The following AGO2 variants were observed in gnomAD, a reference collection of about 807,000 sequenced individuals.
AGO2 encodes the protein argonaute RISC catalytic component 2.
In AGO2, 5 loss-of-function variants were observed where a neutral mutation model predicts 102.3. That is an observed-to-expected ratio of 0.05 (90% CI 0.03 to 0.10). The LOEUF is 0.10. Ranked by LOEUF, AGO2 falls within the 10% of genes least tolerant of loss-of-function variation. The pLI, the probability that AGO2 is intolerant of heterozygous loss-of-function variation, is 1.00. For missense variants in AGO2, 541 were observed against 1,183.7 expected (o/e 0.46, Z 7.97); for synonymous variants, 449 against 473.1 (o/e 0.95, Z 0.66).
intron 1 of AGO2, among the ~76,000 whole-genome samples, chr8:140,620,586 C>T (rs1247401171): frequency 2.0e-5 from 3 of 152,204 alleles, no homozygotes; most frequent in East Asian, 1.9e-4. Flanking sequence ...TCTTCTCGGC[C>T]GGGCACGGTG....
chr8:140,540,956 T>C lies in AGO2; in HGVS notation c.2034+208A>G, dbSNP rs1391592428. ...ATACCCGCCCCTCCTCCCCTCCCTC[T>C]GTCCTGCCTCAGTGTCATGTGTTAG... On this transcript the variant is annotated intron_variant, in intron 15 of 18. Transcript: ENST00000220592. This position sits in a 1 kb window ranked among gnomAD's most constrained non-coding sequence, Gnocchi z 5.0. Among the ~76,000 whole-genome samples, 4 of 147,794 alleles carry C rather than the reference T, an allele frequency of 2.7e-5. No homozygotes were observed. The highest frequency in any genetic ancestry group is 1.3e-4 in the Admixed American group (2 of 14,914).
rs146595922 is a variant in AGO2, at chr8:140,563,828, C to T, written c.337-1194G>A. Among the ~76,000 whole-genome samples the T allele has an allele frequency of 4.9e-3, 740 of 152,352 alleles. 3 individuals are homozygous for T. Among genetic ancestry groups the T allele is most frequent in the Middle Eastern group, 0.017 (5 of 294 alleles). On this transcript the variant is annotated intron_variant, in intron 3 of 18. Transcript: ENST00000220592. ...GTGGCACCAGGCACATTTGCTCGCT[C>T]GCCCACTGCCCGCCATGCCCATGCC...
chr8:140,589,109 C>T lies in AGO2; in HGVS notation c.23-3798G>A, dbSNP rs1217829870. 1.3e-5 allele frequency among the ~76,000 whole-genome samples: 2 copies of T among 152,196 alleles called. No individual in the cohort carries two copies. Among genetic ancestry groups the T allele is most frequent in the Non-Finnish European group, 2.9e-5 (2 of 68,038 alleles). ...GGCGGTCCCCTGAAGAAACTCCTTT[C>T]GGAGTTGGCTCCTCCCCGACTTTTC... On this transcript the variant is annotated intron_variant, in intron 1 of 18. Coordinates refer to ENST00000220592, the MANE Select transcript of AGO2 (RefSeq NM_012154.5). This position sits in a 1 kb window ranked among gnomAD's most constrained non-coding sequence, Gnocchi z 4.2.
chr8:140,636,739 T>C (rs1424908371), upstream of AGO2: 1 of 152,208 alleles, frequency 6.6e-6, no homozygotes, highest in Non-Finnish European at 1.5e-5. Context: ...GACATCAGTC[T>C]TCACCAAGTT....
In AGO2 at chr8:140,559,458, T is replaced by A. The variant is rs2073160087; in HGVS notation, c.727A>T (p.Ile243Phe). Reference protein sequence around the residue: ...FVCEVLDFKSIEEQQKPLTDS... With the variant: ...FVCEVLDFKSFEEQQKPLTDS... ...GTCAGAGGTTTTTGTTGTTCTTCAA[T>A]ACTTTTAAAATCCAAAACTTCACAA... Residue 243 changes from isoleucine (I) to phenylalanine (F), a missense_variant, in exon 6 of 19, where the codon ATT (isoleucine) becomes TTT (phenylalanine). By Grantham distance (21) the Ile-to-Phe change is conservative. This residue lies in a region of AGO2 where 21 missense variants were observed against 105.0 expected (regional missense o/e 0.20). Coordinates refer to ENST00000220592, the MANE Select transcript of AGO2 (RefSeq NM_012154.5). The A allele has an allele frequency of 6.2e-7, 1 of 1,614,134 alleles. No homozygotes were observed. Among genetic ancestry groups the A allele is most frequent in the Admixed American group, 1.7e-5 (1 of 60,014 alleles).
At chr8:140,603,562 G>A (rs1016917207) in intron 1 of AGO2, among the ~76,000 whole-genome samples, 7 of 152,156 alleles carry the variant, frequency 4.6e-5, no homozygotes, top group African/African-American at 1.4e-4. Context: ...CTTGGCACAC[G>A]CACCTGCATT....
At chr8:140,617,216 G>A (rs901448526) in intron 1 of AGO2, among the ~76,000 whole-genome samples, 8 of 152,018 alleles carry the variant, frequency 5.3e-5, no homozygotes, top group Admixed American at 5.2e-4. Context: ...AGGCTCTCGG[G>A]CGCATTGACC....
At chr8:140,621,333 TG>T in intron 1 of AGO2, among the ~76,000 whole-genome samples, 1 of 152,298 alleles carries the variant, frequency 6.6e-6, no homozygotes, top group South Asian at 2.1e-4. Context: ...AGCACTTGCT[TG>T]CACTGGAGAC....
At chr8:140,583,003 TAGTC>T (rs1219316776) in intron 2 of AGO2, among the ~76,000 whole-genome samples, 2 of 152,210 alleles carry the variant, frequency 1.3e-5, no homozygotes, top group African/African-American at 4.8e-5. Flanking sequence ...GACTGCGTGT[TAGTC>T]AGGGACCAGG....
rs541454538 is a variant in AGO2, at chr8:140,631,335, A to G, written c.22+4150T>C. 2.0e-5 allele frequency among the ~76,000 whole-genome samples: 3 copies of G among 152,252 alleles called. No homozygotes were observed. In the South Asian group the frequency reaches 6.2e-4, roughly 32 times the overall value. ...GGCAGGTAGATCACCTGAGGTTGGG[A>G]GTTTGAGACCAGCTTGGCCAACATG... On this transcript the variant is annotated intron_variant, in intron 1 of 18. Transcript: ENST00000220592.
intron 1 of AGO2, among the ~76,000 whole-genome samples, chr8:140,629,850 A>G (rs1032938201): frequency 2.1e-5 from 3 of 141,792 alleles, no homozygotes; most frequent in Non-Finnish European, 4.6e-5. Context: ...AAAGAAAAGA[A>G]AAGAGGAGAG....
At chr8:140,590,730 C>CATCG (rs1212985851) in intron 1 of AGO2, among the ~76,000 whole-genome samples, 1 of 152,194 alleles carries the variant, frequency 6.6e-6, no homozygotes, top group African/African-American at 2.4e-5. Flanking sequence ...GAACCAGGGG[C>CATCG]ATCGTCTCAG....
intron 1 of AGO2, among the ~76,000 whole-genome samples, chr8:140,596,823 G>A (rs1230708009): frequency 6.6e-6 from 1 of 152,162 alleles, no homozygotes; most frequent in Non-Finnish European, 1.5e-5. Flanking sequence ...TGGCCGGGGT[G>A]GGGGACGGGC....
chr8:140,638,159 G>A (rs551955485), upstream of AGO2: 214 of 152,424 alleles, frequency 1.4e-3, 2 homozygotes, highest in African/African-American at 5.0e-3. Context: ...AGAGAAAGAA[G>A]GGGTGAGGGG....
intron 2 of AGO2, among the ~76,000 whole-genome samples, chr8:140,583,917 C>T (rs1270801276): frequency 6.6e-6 from 1 of 152,070 alleles, no homozygotes; most frequent in African/African-American, 2.4e-5. Flanking sequence ...TAGCGCATTG[C>T]TCTACTACGT....
At chr8:140,639,276 T>C (rs1286968729), upstream of AGO2, among the ~76,000 whole-genome samples, 2 of 152,172 alleles carry the variant, frequency 1.3e-5, no homozygotes, top group Non-Finnish European at 2.9e-5. Flanking sequence ...GGTCAGGAGA[T>C]AGAGACCATC....
At position 140,560,118 on chromosome 8, in the gene AGO2, G is replaced by T. The variant is rs193123331; in HGVS notation, c.655+256C>A. Among the ~76,000 whole-genome samples the T allele has an allele frequency of 3.9e-5, 6 of 152,314 alleles. No individual in the cohort carries two copies. In the East Asian group the frequency reaches 9.7e-4, roughly 25 times the overall value. On this transcript the variant is annotated intron_variant, in intron 5 of 18. Transcript: ENST00000220592. ...AGGAGGCCAGCAGCAAGGAAGCCCC[G>T]GATCCTCAGGCCCGCCTCAGCCCCT... is the stretch of plus-strand genomic sequence containing the variant.
intron 9 of AGO2, 42 bp from the exon 10 acceptor site, chr8:140,556,060 C>T: frequency 6.2e-7 from 1 of 1,612,092 alleles, no homozygotes; most frequent in East Asian, 2.2e-5. Context: ...TGGGTGGAGG[C>T]CTCCCATCTC....
chr8:140,531,278 A>T lies in AGO2; in HGVS notation c.*766T>A, dbSNP rs1309104848. Reference sequence around the variant, plus strand: ...TATTCTTTAAAAACTTTGGAAAATAAATGTCACAGTCCTATAGGACAAATC... The same window carrying T: ...TATTCTTTAAAAACTTTGGAAAATATATGTCACAGTCCTATAGGACAAATC... On this transcript the variant is annotated 3_prime_UTR_variant, in exon 19 of 19. Coordinates refer to ENST00000220592, the MANE Select transcript of AGO2 (RefSeq NM_012154.5). The T allele has an allele frequency of 6.5e-6, 1 of 152,676 alleles. No homozygotes were observed. The highest frequency in any genetic ancestry group is 1.5e-5 in the Non-Finnish European group (1 of 68,058). 9.5% of individuals were successfully genotyped at this position (152,676 alleles called of 1,614,324 possible).
Sources: gnomAD v4.1 joint callset for allele counts (sites outside exome capture counted in the v4.1 genomes callset) on GRCh38, gnomAD v4.1.1 for gene constraint, gnomAD v4.1.1 regional missense constraint, Gnocchi (gnomAD v3.1) non-coding constraint, MANE v1.5 for transcripts, NCBI Gene and HGNC (gene_info 2026-07-23, HGNC 2026-07-21) for gene names.